ATP8A2: variants seen among roughly 807,000 people sequenced by gnomAD.
The protein encoded by ATP8A2 is phospholipid-transporting ATPase IB.
Under a neutral mutation model 165.6 loss-of-function variants are expected in ATP8A2, and 100 were observed. The observed-to-expected ratio is 0.60, with a 90% CI of 0.51 to 0.71. The LOEUF is 0.71. Among genes scored for constraint, ATP8A2 ranks in the 30% least tolerant of loss-of-function variants. The pLI is 0.00. For missense variants in ATP8A2, 1,227 were observed against 1,479.5 expected, an observed-to-expected ratio of 0.83 and a Z score of 2.80; for synonymous variants, 543 against 548.8, an observed-to-expected ratio of 0.99 and a Z score of 0.15.
chr13:25,995,399 A>G (rs1254363355), intron 35 of ATP8A2, among the ~76,000 whole-genome samples: 1 of 151,168 alleles, frequency 6.6e-6, no homozygotes, highest in Admixed American at 6.6e-5. Context: ...TTCATGTGAG[A>G]ACTTGGAATT....
chr13:25,876,192 C>G (rs997142853), intron 33 of ATP8A2, among the ~76,000 whole-genome samples: 10 of 152,132 alleles, frequency 6.6e-5, no homozygotes, highest in Non-Finnish European at 1.5e-4. Context: ...GGTGGGTGCT[C>G]CAAGGCCCGC....
chr13:25,769,800 C>A (rs2044579282), intron 26 of ATP8A2, among the ~76,000 whole-genome samples: 2 of 152,144 alleles, frequency 1.3e-5, no homozygotes, highest in South Asian at 4.1e-4. Context: ...CCATAATGAC[C>A]CCATGGTCAG....
chr13:25,958,560 T>A lies in ATP8A2; in HGVS notation c.3184-3015T>A, dbSNP rs576068685. ...AGCTTGTGTCCTAATGAATCAATAA[T>A]TCTACCCACCTGACGCTCACTTTCC... On this transcript the variant is annotated intron_variant, in intron 33 of 36. Transcript: ENST00000381655. Among the ~76,000 whole-genome samples, 38 of 152,276 alleles carry A rather than the reference T, an allele frequency of 2.5e-4. No individual in the cohort carries two copies. In the South Asian group the frequency reaches 7.7e-3, roughly 31 times the overall value.
chr13:25,465,663 T>TTTTCTCTCTTTC lies in ATP8A2; in HGVS notation c.77-3309_77-3308insCTCTTTCTTTCT, dbSNP rs1345363989. Among the ~76,000 whole-genome samples, 21 of 86,452 alleles carry TTTTCTCTCTTTC rather than the reference T, an allele frequency of 2.4e-4. 1 individual carries two copies. Among genetic ancestry groups the TTTTCTCTCTTTC allele is most frequent in the South Asian group, 4.7e-4 (1 of 2,148 alleles). The allele number at this position is 86,452 out of a possible 152,430, so 56.7% of individuals were successfully genotyped here. On this transcript the variant is annotated intron_variant, in intron 1 of 36. Transcript: ENST00000381655. ...TCACCTCCCCAGAAATCTTGCAGAG[T>TTTTCTCTCTTTC]TTTCTTTCTTTCTTTCTTTCTTTCT...
intron 35 of ATP8A2, among the ~76,000 whole-genome samples, chr13:25,994,536 T>C (rs1956458431): frequency 6.6e-6 from 1 of 152,110 alleles, no homozygotes. Flanking sequence ...CTTTGTCAAG[T>C]TGGGGGAGTT....
chr13:25,777,810 C>T (rs2044775668), intron 27 of ATP8A2, among the ~76,000 whole-genome samples: 1 of 152,178 alleles, frequency 6.6e-6, no homozygotes, highest in Non-Finnish European at 1.5e-5. Context: ...GGCATACTAA[C>T]CTATAAAAGT....
rs139767001 is a variant in ATP8A2 at position 25,590,997 on chromosome 13, C to T, written c.2211+1298C>T. Among the ~76,000 whole-genome samples, 931 of 152,170 alleles carry T rather than the reference C, an allele frequency of 6.1e-3. 9 individuals are homozygous for T. The highest frequency in any genetic ancestry group is 0.022 in the African/African-American group (894 of 41,506). On this transcript the variant is annotated intron_variant, in intron 24 of 36. Transcript: ENST00000381655. Reference sequence around the variant, plus strand: ...TACTGCCTGCAGGCAGCCCAGAGTCCCAGGTCATACCTCATCTCCTGGAGT... The same window carrying T: ...TACTGCCTGCAGGCAGCCCAGAGTCTCAGGTCATACCTCATCTCCTGGAGT...
intron 27 of ATP8A2, among the ~76,000 whole-genome samples, chr13:25,791,643 G>T (rs2045182378): frequency 6.6e-6 from 1 of 151,474 alleles, no homozygotes; most frequent in Admixed American, 6.6e-5. Flanking sequence ...TGCGAAAGTG[G>T]TTTCTCTCCT....
Position 25,529,985 on chromosome 13 carries a change from C to A in ATP8A2, c.222-14C>A. The A allele has an allele frequency of 4.0e-6, 6 of 1,509,238 alleles. No homozygotes were observed. Among genetic ancestry groups the A allele is most frequent in the Non-Finnish European group, 5.5e-6 (6 of 1,089,226 alleles). 93.5% of individuals were successfully genotyped at this position (1,509,238 alleles called of 1,614,324 possible). A position where few individuals can be genotyped will look rare whatever the true frequency, so the allele number is the denominator to read the frequency against. On this transcript the variant is annotated splice_polypyrimidine_tract_variant and intron_variant, in intron 2 of 36. Transcript: ENST00000381655. ...ATCTATAACTGATAGTATTATTTTTCTTTGCACTTACAGTACGGCCAAGTA... is the reference window on the plus strand; with the variant it reads ...ATCTATAACTGATAGTATTATTTTTATTTGCACTTACAGTACGGCCAAGTA...
intron 1 of ATP8A2, among the ~76,000 whole-genome samples, chr13:25,428,657 GT>G (rs1468877075): frequency 1.3e-5 from 2 of 152,176 alleles, no homozygotes; most frequent in Non-Finnish European, 2.9e-5. Flanking sequence ...GTGTGTGTTT[GT>G]TGGGGCAATG....
chr13:25,452,846 G>A (rs989888253), intron 1 of ATP8A2, among the ~76,000 whole-genome samples: 2 of 152,084 alleles, frequency 1.3e-5, no homozygotes, highest in Non-Finnish European at 2.9e-5. Flanking sequence ...TGTAATCCCA[G>A]CACTTTGGGA....
At chr13:25,611,497 A>G (rs562055528) in intron 24 of ATP8A2, among the ~76,000 whole-genome samples, 1 of 152,212 alleles carries the variant, frequency 6.6e-6, no homozygotes, top group East Asian at 1.9e-4. Flanking sequence ...TATGAAACCC[A>G]CTTGATCAAG....
intron 24 of ATP8A2, among the ~76,000 whole-genome samples, chr13:25,626,789 T>C (rs1478123863): frequency 1.3e-5 from 2 of 152,094 alleles, no homozygotes; most frequent in African/African-American, 4.8e-5. Context: ...CAGTCCCATA[T>C]GGCTGGGGAG....
In ATP8A2 at chr13:25,953,625, T is replaced by G. The variant is rs373311377; in HGVS notation, c.3184-7950T>G. Among the ~76,000 whole-genome samples the G allele has an allele frequency of 2.8e-5, 4 of 143,310 alleles. No homozygotes were observed. The highest frequency in any genetic ancestry group is 1.1e-4 in the African/African-American group (4 of 37,872). The allele number at this position is 143,310 out of a possible 152,430, so 94.0% of individuals were successfully genotyped here. On this transcript the variant is annotated intron_variant, in intron 33 of 36. Coordinates refer to ENST00000381655, the MANE Select transcript of ATP8A2 (RefSeq NM_016529.6). This position sits in a 1 kb window ranked among gnomAD's most constrained non-coding sequence, Gnocchi z 6.7. Reference sequence around the variant, plus strand: ...CAGGGAGATCAAGGCAGACAGCGAGTGATTTCTGCATTTCCAGCTGAGGAA... The same window carrying G: ...CAGGGAGATCAAGGCAGACAGCGAGGGATTTCTGCATTTCCAGCTGAGGAA...
intron 24 of ATP8A2, among the ~76,000 whole-genome samples, chr13:25,614,793 C>A (rs1015454674): frequency 6.6e-6 from 1 of 152,210 alleles, no homozygotes; most frequent in African/African-American, 2.4e-5. Context: ...AGCCACCCAG[C>A]AGAGCTGCCT....
At chr13:25,934,702 C>A (rs1954839943) in intron 33 of ATP8A2, among the ~76,000 whole-genome samples, 1 of 152,172 alleles carries the variant, frequency 6.6e-6, no homozygotes, top group Non-Finnish European at 1.5e-5. Context: ...GGGAGCAGAC[C>A]ATTCTACCTG....
chr13:25,711,537 A>G (rs1341066525), intron 25 of ATP8A2, among the ~76,000 whole-genome samples: 4 of 151,614 alleles, frequency 2.6e-5, no homozygotes, highest in Admixed American at 6.6e-5. Flanking sequence ...CAGTGAGACC[A>G]CATCTCTATA....
intron 2 of ATP8A2, among the ~76,000 whole-genome samples, chr13:25,523,465 A>T (rs2037736821): frequency 6.6e-6 from 1 of 152,022 alleles, no homozygotes; most frequent in Non-Finnish European, 1.5e-5. Flanking sequence ...TAAATGTTTC[A>T]TAGAAATCAG....
chr13:25,890,961 G>T (rs1007735894), intron 33 of ATP8A2, among the ~76,000 whole-genome samples: 2 of 152,168 alleles, frequency 1.3e-5, no homozygotes, highest in Non-Finnish European at 2.9e-5. Context: ...GAAATTGAGG[G>T]TCTGTGATGA....
Sources: gnomAD v4.1 joint callset for allele counts (sites outside exome capture counted in the v4.1 genomes callset) on GRCh38, gnomAD v4.1.1 for gene constraint, Gnocchi (gnomAD v3.1) non-coding constraint, MANE v1.5 for transcripts, NCBI Gene and HGNC (gene_info 2026-07-23, HGNC 2026-07-21) for gene names.